The following ZFHX3 variants were observed in gnomAD, a reference collection of about 807,000 sequenced individuals.
ZFHX3 encodes zinc finger homeobox protein 3.
A neutral mutation model predicts 279.1 loss-of-function variants in ZFHX3; 42 were observed. The ratio of observed to expected loss-of-function variants is 0.15; its 90% CI spans 0.12 to 0.19. The LOEUF (loss-of-function observed/expected upper bound fraction) is 0.19. ZFHX3 is among the 10% of genes least tolerant of loss of function. ZFHX3 has a pLI of 1.00. For missense variants in ZFHX3, 4,981 were observed against 4,754.0 expected (o/e 1.05, Z -1.40); for synonymous variants, 2,293 against 1,957.8 (o/e 1.17, Z -4.52).
chr16:73,054,712 C>G (rs1027696432), intron 1 of ZFHX3, among the ~76,000 whole-genome samples: 1 of 151,816 alleles, frequency 6.6e-6, no homozygotes, highest in Non-Finnish European at 1.5e-5. Context: ...AGATGTCTGC[C>G]GACCATATTC....
chr16:72,848,527 C>T (rs1054520566), intron 4 of ZFHX3, among the ~76,000 whole-genome samples: 1 of 152,148 alleles, frequency 6.6e-6, no homozygotes, highest in African/African-American at 2.4e-5. Flanking sequence ...TCCTCCTCAA[C>T]AGTTCCAGGC....
intron 1 of ZFHX3, among the ~76,000 whole-genome samples, chr16:73,744,535 G>A (rs1312533321): frequency 6.6e-6 from 1 of 152,170 alleles, no homozygotes; most frequent in Admixed American, 6.5e-5. Context: ...ATAACAGTGT[G>A]ATGTCTTGCA....
intron 3 of ZFHX3, among the ~76,000 whole-genome samples, chr16:73,383,273 G>A: frequency 6.6e-6 from 1 of 152,206 alleles, no homozygotes; most frequent in East Asian, 1.9e-4. Context: ...CACCCATCCA[G>A]CAGCAGGAAC....
chr16:73,100,821 T>A (rs1314608934), intron 7 of ZFHX3, among the ~76,000 whole-genome samples: 5 of 152,180 alleles, frequency 3.3e-5, no homozygotes, highest in African/African-American at 9.7e-5. Context: ...GGTCTTGAAC[T>A]CCTGACCTCA....
chr16:72,955,114 C>A (rs1274323219), intron 2 of ZFHX3, among the ~76,000 whole-genome samples: 1 of 152,210 alleles, frequency 6.6e-6, no homozygotes, highest in East Asian at 1.9e-4. Context: ...GGCCCCCACA[C>A]CCACTCGAGC....
upstream of ZFHX3, chr16:73,062,393 G>A (rs1325774901): frequency 6.6e-6 from 1 of 152,156 alleles, no homozygotes; most frequent in Non-Finnish European, 1.5e-5. Flanking sequence ...ATAAATTCAG[G>A]TACTGGGCAG....
At chr16:73,501,817 C>A (rs925222791) in intron 2 of ZFHX3, among the ~76,000 whole-genome samples, 5 of 152,120 alleles carry the variant, frequency 3.3e-5, no homozygotes, top group African/African-American at 4.8e-5. Context: ...GGTTCTCCAC[C>A]TTTGGAAGCT....
At chr16:73,411,545 A>G (rs1423896763) in intron 3 of ZFHX3, among the ~76,000 whole-genome samples, 1 of 152,240 alleles carries the variant, frequency 6.6e-6, no homozygotes, top group African/African-American at 2.4e-5. Context: ...ATGACCATAT[A>G]CAGCAAAGAT....
intron 2 of ZFHX3, among the ~76,000 whole-genome samples, chr16:73,489,802 T>A (rs1333674599): frequency 1.3e-5 from 2 of 152,152 alleles, no homozygotes; most frequent in Non-Finnish European, 2.9e-5. Context: ...TCTGATAGGT[T>A]TTTTTTTCTG....
At chr16:72,937,272 A>G (rs940681047) in intron 3 of ZFHX3, among the ~76,000 whole-genome samples, 4 of 152,180 alleles carry the variant, frequency 2.6e-5, no homozygotes, top group Non-Finnish European at 5.9e-5. Context: ...ATACTTAGGG[A>G]GAGTTACAGA....
At chr16:73,309,126 T>C (rs142063803) in intron 4 of ZFHX3, among the ~76,000 whole-genome samples, 11 of 152,296 alleles carry the variant, frequency 7.2e-5, no homozygotes, top group African/African-American at 2.6e-4. Flanking sequence ...AGGTTTGTTA[T>C]ATGGTAAACT....
At chr16:73,481,608 G>A (rs530167675) in intron 2 of ZFHX3, among the ~76,000 whole-genome samples, 22 of 147,746 alleles carry the variant, frequency 1.5e-4, no homozygotes, top group Non-Finnish European at 2.4e-4. Flanking sequence ...GTTAATGTGC[G>A]TGGTGTTGTT....
chr16:73,715,882 C>G (rs746612997), intron 1 of ZFHX3, among the ~76,000 whole-genome samples: 36 of 152,068 alleles, frequency 2.4e-4, no homozygotes, highest in Non-Finnish European at 7.4e-5. Flanking sequence ...CATAGCTAGT[C>G]TTTAAAGCTC....
chr16:73,183,482 G>A (rs780196912), intron 5 of ZFHX3, among the ~76,000 whole-genome samples: 18 of 152,202 alleles, frequency 1.2e-4, no homozygotes, highest in Non-Finnish European at 2.6e-4. Flanking sequence ...TGAGGTGGGT[G>A]TTTCTTTGTG....
At chr16:72,943,823 T>C (rs942585173) in intron 3 of ZFHX3, among the ~76,000 whole-genome samples, 9 of 152,162 alleles carry the variant, frequency 5.9e-5, no homozygotes, top group Non-Finnish European at 1.3e-4. Context: ...ATCATGTTCC[T>C]AGCTCATTAT....
chr16:73,602,816 G>A (rs919714542), intron 2 of ZFHX3, among the ~76,000 whole-genome samples: 2 of 149,036 alleles, frequency 1.3e-5, no homozygotes, highest in Non-Finnish European at 2.9e-5. Context: ...TCGTGGTAGC[G>A]GGCACCTGTA....
At chr16:73,098,536 A>G (rs1481556590) in intron 7 of ZFHX3, among the ~76,000 whole-genome samples, 1 of 151,878 alleles carries the variant, frequency 6.6e-6, no homozygotes, top group Admixed American at 6.6e-5. Flanking sequence ...TAATTTTTGT[A>G]TCTTTAGTAG....
At chr16:73,530,383 C>A (rs147972049) in intron 2 of ZFHX3, among the ~76,000 whole-genome samples, 24 of 152,242 alleles carry the variant, frequency 1.6e-4, no homozygotes, top group African/African-American at 5.5e-4. Flanking sequence ...CACAGCCAAA[C>A]GGAAGTTAAT....
chr16:72,959,926 G>A lies in ZFHX3; in HGVS notation c.220C>T (p.Pro74Ser), dbSNP rs757494633. Residue 74 changes from proline to serine, a missense_variant, in exon 2 of 10, where the codon CCC (proline) becomes TCC (serine). Pro to Ser is a moderately conservative substitution (Grantham distance 74). Coordinates refer to ENST00000268489, the MANE Select transcript of ZFHX3 (RefSeq NM_006885.4). ...TTGCAGGTGACCTCCTTGCTGGCGGGCTCGGAGGGGGGCCCGGCCGACGCG... is the reference window on the plus strand; with the variant it reads ...TTGCAGGTGACCTCCTTGCTGGCGGACTCGGAGGGGGGCCCGGCCGACGCG... ...STASAGPPSE[P>S]ASKEVTCNEC... is the part of the protein sequence containing the mutation. 3 of 1,600,872 alleles carry A rather than the reference G, an allele frequency of 1.9e-6. No homozygotes were observed. Among genetic ancestry groups the A allele is most frequent in the Admixed American group, 3.4e-5 (2 of 58,740 alleles).
Sources: gnomAD v4.1 joint callset for allele counts (sites outside exome capture counted in the v4.1 genomes callset) on GRCh38, gnomAD v4.1.1 for gene constraint, MANE v1.5 for transcripts, NCBI Gene and HGNC (gene_info 2026-07-23, HGNC 2026-07-21) for gene names.